Variants in LTBP1 observed in about 807,000 individuals in gnomAD.
The protein encoded by LTBP1 is latent transforming growth factor beta binding protein 1.
A neutral mutation model predicts 207.6 loss-of-function variants in LTBP1; 129 were observed. The observed-to-expected ratio is 0.62, with a 90% CI of 0.54 to 0.72. LTBP1 has a LOEUF of 0.72. Among genes scored for constraint, LTBP1 ranks in the 30% least tolerant of loss-of-function variants. The pLI, the probability that LTBP1 is intolerant of heterozygous loss-of-function variation, is 0.00. For synonymous variants in LTBP1, 963 were observed against 833.7 expected, an observed-to-expected ratio of 1.16 and a Z score of -2.67; for missense variants, 2,281 against 2,217.2, an observed-to-expected ratio of 1.03 and a Z score of -0.58.
chr2:33,041,157 T>G (rs1298790622), intron 3 of LTBP1, among the ~76,000 whole-genome samples: 1 of 152,208 alleles, frequency 6.6e-6, no homozygotes, highest in East Asian at 1.9e-4. Context: ...CCATACCACA[T>G]AGCCCACCGA....
At chr2:33,166,123 G>A (rs1013108259) in intron 5 of LTBP1, among the ~76,000 whole-genome samples, 1 of 148,006 alleles carries the variant, frequency 6.8e-6, no homozygotes, top group Non-Finnish European at 1.5e-5. Context: ...ACAACTTTAT[G>A]TTGAGATCAA....
intron 4 of LTBP1, among the ~76,000 whole-genome samples, chr2:33,123,592 T>A (rs1335705385): frequency 6.6e-6 from 1 of 152,236 alleles, no homozygotes; most frequent in Non-Finnish European, 1.5e-5. Flanking sequence ...AAACCACATC[T>A]TAATATACCT....
At chr2:33,285,813 A>C (rs1317868335) in intron 19 of LTBP1, 1 of 151,676 alleles carries the variant, frequency 6.6e-6, no homozygotes, top group Non-Finnish European at 1.5e-5. Context: ...CCATCCAAAT[A>C]CTAACTGGGC....
At position 33,309,487 on chromosome 2, in the gene LTBP1, A is replaced by C; in HGVS notation, c.3535A>C (p.Asn1179His). The change falls in exon 23 of 34, where the codon AAT (asparagine) becomes CAT (histidine). Residue 1179 changes from asparagine (N) to histidine (H), a missense_variant. Asn to His is a moderately conservative substitution (Grantham distance 68, BLOSUM62 1). Around this residue, in one of 3 missense-constraint regions of LTBP1, gnomAD observed 1,671 missense variants for 1,634.8 expected, o/e 1.02. Coordinates refer to ENST00000404816, the MANE Select transcript of LTBP1 (RefSeq NM_206943.4). ...KSVCQRGDCI[N>H]TAGSYDCTCP... ...TGTTTGCCAGAGAGGAGACTGCATTAATACTGCAGGGTCCTATGATTGTAC... is the reference window on the plus strand; with the variant it reads ...TGTTTGCCAGAGAGGAGACTGCATTCATACTGCAGGGTCCTATGATTGTAC... 6.8e-6 allele frequency: 11 copies of C among 1,611,090 alleles called. No homozygotes were observed. Among genetic ancestry groups the C allele is most frequent in the South Asian group, 1.1e-5 (1 of 90,362 alleles).
At chr2:33,148,768 C>G (rs551305153) in intron 5 of LTBP1, among the ~76,000 whole-genome samples, 13 of 152,208 alleles carry the variant, frequency 8.5e-5, no homozygotes, top group Non-Finnish European at 1.8e-4. Flanking sequence ...GTTTGTCTGT[C>G]AAATAGTTCT....
At chr2:33,003,586 C>T (rs557658956) in intron 2 of LTBP1, among the ~76,000 whole-genome samples, 1 of 152,238 alleles carries the variant, frequency 6.6e-6, no homozygotes, top group Admixed American at 6.5e-5. Context: ...GGAGTAACTG[C>T]AGGAATGGGT....
At chr2:33,346,723 T>G (rs10185344) in intron 25 of LTBP1, among the ~76,000 whole-genome samples, 20,108 of 151,674 alleles carry the variant, frequency 0.13, 1,552 homozygotes, top group African/African-American at 0.2. Flanking sequence ...GTTGCGTCAT[T>G]TAAGACTTCA....
chr2:32,972,520 C>A (rs916810792), intron 2 of LTBP1, among the ~76,000 whole-genome samples: 1 of 152,036 alleles, frequency 6.6e-6, no homozygotes, highest in African/African-American at 2.4e-5. Flanking sequence ...GACTTAATTT[C>A]ATGTTTATCC....
At chr2:33,199,493 C>T (rs1418741687) in intron 7 of LTBP1, among the ~76,000 whole-genome samples, 3 of 152,156 alleles carry the variant, frequency 2.0e-5, no homozygotes, top group Non-Finnish European at 4.4e-5. Context: ...TAAGAGCTAC[C>T]TGTGACAGAC....
At position 33,285,858 on chromosome 2, in the gene LTBP1, G is replaced by A. The variant is rs566596603; in HGVS notation, c.3112+5700G>A. ...TTAGCTTCCAAGGTCAGACTAGATC[G>A]GGCACGTTCAGGGTGATATGTCTGT... is the stretch of plus-strand genomic sequence containing the variant. On this transcript the variant is annotated intron_variant, in intron 19 of 33. Transcript: ENST00000404816. 5.9e-5 allele frequency: 9 copies of A among 151,704 alleles called. No individual in the cohort carries two copies. In the East Asian group the frequency reaches 1.2e-3, roughly 20 times the overall value. 9.4% of individuals were successfully genotyped at this position (151,704 alleles called of 1,614,324 possible).
chr2:32,955,910 T>C (rs1157434685), intron 2 of LTBP1, among the ~76,000 whole-genome samples: 1 of 152,176 alleles, frequency 6.6e-6, no homozygotes, highest in East Asian at 1.9e-4. Context: ...ATACCTCAGA[T>C]ATGGAGGGTT....
intron 27 of LTBP1, 27 bp from the exon 28 acceptor site, chr2:33,361,397 CTTTTT>C: frequency 2.9e-6 from 3 of 1,024,628 alleles, no homozygotes; most frequent in Non-Finnish European, 2.8e-6. Context: ...GATGTTGAAT[CTTTTT>C]TTTTTTTTTG....
intron 7 of LTBP1, among the ~76,000 whole-genome samples, chr2:33,209,337 T>A (rs548453628): frequency 6.6e-6 from 1 of 152,184 alleles, no homozygotes; most frequent in Admixed American, 6.5e-5. Context: ...GGGCCATGGA[T>A]CCTTGAGGGG....
intron 3 of LTBP1, chr2:33,056,589 G>C (rs1476031421): frequency 5.5e-6 from 2 of 365,668 alleles, no homozygotes; most frequent in Non-Finnish European, 1.0e-5. Context: ...GACCCTCGCA[G>C]TGAGTGTTAT....
chr2:33,237,274 G>A (rs1333225660), intron 9 of LTBP1, among the ~76,000 whole-genome samples: 1 of 151,974 alleles, frequency 6.6e-6, no homozygotes, highest in Non-Finnish European at 1.5e-5. Flanking sequence ...AGGACTCTTC[G>A]GGTTTTAAAT....
chr2:33,076,839 A>G (rs892816369), intron 3 of LTBP1, among the ~76,000 whole-genome samples: 1 of 151,824 alleles, frequency 6.6e-6, no homozygotes, highest in Admixed American at 6.6e-5. Context: ...CCAGACCCTA[A>G]TGTCTCATCT....
intron 31 of LTBP1, among the ~76,000 whole-genome samples, chr2:33,388,839 G>A (rs1259727361): frequency 1.3e-5 from 2 of 152,106 alleles, no homozygotes; most frequent in Admixed American, 6.5e-5. Context: ...GATAACTCTT[G>A]ATGGCTTTAG....
intron 24 of LTBP1, among the ~76,000 whole-genome samples, chr2:33,325,199 C>A (rs2094411403): frequency 6.6e-6 from 1 of 152,190 alleles, no homozygotes. Context: ...ACAGCCAGCA[C>A]TGATGCTTGT....
chr2:32,948,097 G>A (rs1248569827), intron 1 of LTBP1, among the ~76,000 whole-genome samples: 1 of 152,236 alleles, frequency 6.6e-6, no homozygotes, highest in Non-Finnish European at 1.5e-5. Flanking sequence ...CCTTCTGCGC[G>A]CAAACCCAAC....
Sources: allele counts gnomAD v4.1 joint callset (sites outside exome capture counted in the v4.1 genomes callset), GRCh38; gene constraint gnomAD v4.1.1; regional missense constraint gnomAD v4.1.1; transcripts MANE v1.5; gene names NCBI Gene and HGNC (gene_info 2026-07-23, HGNC 2026-07-21).